SPPL2A: variants seen among roughly 807,000 people sequenced by gnomAD.
The protein encoded by SPPL2A is signal peptide peptidase like 2A.
SPPL2A carries 51 observed loss-of-function variants against 63.8 expected under a neutral mutation model. That is an observed-to-expected ratio of 0.80 (90% CI 0.64 to 1.01). The LOEUF (loss-of-function observed/expected upper bound fraction) is 1.01. Among genes scored for constraint, SPPL2A ranks in the 50% least tolerant of loss-of-function variants. The pLI, the probability that SPPL2A is intolerant of heterozygous loss-of-function variation, is 0.00. For missense variants in SPPL2A, 553 were observed against 622.7 expected, an observed-to-expected ratio of 0.89 and a Z score of 1.19; for synonymous variants, 188 against 205.8, an observed-to-expected ratio of 0.91 and a Z score of 0.74.
chr15:50,744,287 T>A (rs913471763), intron 5 of SPPL2A, among the ~76,000 whole-genome samples: 1 of 152,078 alleles, frequency 6.6e-6, no homozygotes, highest in African/African-American at 2.4e-5. Flanking sequence ...ATACAAAAAA[T>A]GTTTAAAGCT....
intron 14 of SPPL2A, among the ~76,000 whole-genome samples, chr15:50,713,289 T>G (rs2141019306): frequency 6.7e-6 from 1 of 148,760 alleles, no homozygotes; most frequent in Non-Finnish European, 1.5e-5. Flanking sequence ...TTTTTTGAGA[T>G]AGAGTCTTGC....
At chr15:50,749,262 T>C (rs965388546) in intron 2 of SPPL2A, among the ~76,000 whole-genome samples, 1 of 152,050 alleles carries the variant, frequency 6.6e-6, no homozygotes, top group Non-Finnish European at 1.5e-5. Context: ...GGGTTACAGG[T>C]ATCAGCCATT....
At chr15:50,727,658 T>C (rs2062696508) in intron 10 of SPPL2A, among the ~76,000 whole-genome samples, 1 of 152,230 alleles carries the variant, frequency 6.6e-6, no homozygotes, top group South Asian at 2.1e-4. Context: ...TGTACTCTTA[T>C]GGTGACCTGC....
chr15:50,718,002 T>G lies in SPPL2A; in HGVS notation c.1488+1938A>C, dbSNP rs189485802. 3.6e-3 allele frequency among the ~76,000 whole-genome samples: 534 copies of G among 147,394 alleles called. 4 individuals carry two copies. The highest frequency in any genetic ancestry group is 0.013 in the African/African-American group (509 of 39,588). The stretch of plus-strand genomic sequence containing the variant: ...TTTTTTTTTTTTTGAGACGGAGTCT[T>G]GCTCTGTCCCCCAGGCTGGAGTGCA... On this transcript the variant is annotated intron_variant, in intron 14 of 14. Transcript: ENST00000261854.
chr15:50,738,502 C>A lies in SPPL2A; in HGVS notation c.733+1178G>T, dbSNP rs1026516788. ...AGGTGGAGGTTGCAGTGAGCCAAGACTGCGCCACTGCACTCCAGCCTGGGC... is the reference window on the plus strand; with the variant it reads ...AGGTGGAGGTTGCAGTGAGCCAAGAATGCGCCACTGCACTCCAGCCTGGGC... On this transcript the variant is annotated intron_variant, in intron 6 of 14. Coordinates refer to ENST00000261854, the MANE Select transcript of SPPL2A (RefSeq NM_032802.4). 2.1e-5 allele frequency among the ~76,000 whole-genome samples: 3 copies of A among 145,492 alleles called. No individual in the cohort carries two copies. In the Admixed American group the frequency reaches 2.1e-4, roughly 10 times the overall value.
At chr15:50,729,173 G>A (rs955187280) in intron 10 of SPPL2A, among the ~76,000 whole-genome samples, 1 of 151,464 alleles carries the variant, frequency 6.6e-6, no homozygotes, top group Non-Finnish European at 1.5e-5. Flanking sequence ...GGCTGGTCTC[G>A]AACTCCTGAC....
At chr15:50,733,409 T>C (rs2062745374) in intron 8 of SPPL2A, among the ~76,000 whole-genome samples, 2 of 152,146 alleles carry the variant, frequency 1.3e-5, no homozygotes, top group Admixed American at 6.5e-5. Flanking sequence ...TGAACAGATA[T>C]CTGTATATTT....
At chr15:50,765,420 G>T in intron 1 of SPPL2A, 48 bp downstream of exon 1, 1 of 1,438,896 alleles carries the variant, frequency 6.9e-7, no homozygotes, top group African/African-American at 1.5e-5. Flanking sequence ...CCTTGGCCCC[G>T]GCCCCGCCCA....
chr15:50,716,931 A>G (rs113198070), intron 14 of SPPL2A, among the ~76,000 whole-genome samples: 56 of 152,162 alleles, frequency 3.7e-4, no homozygotes, highest in Admixed American at 3.9e-4. Flanking sequence ...TGGTGATCCA[A>G]TAGGTACTTC....
intron 6 of SPPL2A, among the ~76,000 whole-genome samples, chr15:50,739,243 A>G (rs1315670887): frequency 6.7e-6 from 1 of 148,608 alleles, no homozygotes; most frequent in Admixed American, 6.8e-5. Context: ...CAATGGCGCA[A>G]TGTCGGCTCA....
rs560794549 is a variant in SPPL2A, at chr15:50,709,383, C to G, written c.1489-1509G>C. Among the ~76,000 whole-genome samples the G allele has an allele frequency of 8.4e-4, 128 of 152,140 alleles. 1 individual carries two copies. Among genetic ancestry groups the G allele is most frequent in the African/African-American group, 2.9e-3 (122 of 41,526 alleles). On this transcript the variant is annotated intron_variant, in intron 14 of 14. Transcript: ENST00000261854. ...GCTTTAGTGTTTTTTGGAAGAAGAA[C>G]AAGAGGGTGGAATCATCTTGAAACA...
At chr15:50,748,663 A>G (rs989627631) in intron 3 of SPPL2A, 25 bp downstream of exon 3, 3 of 1,465,452 alleles carry the variant, frequency 2.0e-6, no homozygotes, top group Non-Finnish European at 1.8e-6. Context: ...ACTCAAAATA[A>G]GATATGATTG....
chr15:50,703,323 T>C lies in SPPL2A; in HGVS notation c.*4477A>G, dbSNP rs1353738320. 1.9e-5 allele frequency: 2 copies of C among 107,450 alleles called. No homozygotes were observed. Among genetic ancestry groups the C allele is most frequent in the Non-Finnish European group, 3.9e-5 (2 of 51,920 alleles). The allele number at this position is 107,450 out of a possible 1,614,324, so 6.7% of individuals were successfully genotyped here. On this transcript the variant is annotated 3_prime_UTR_variant, in exon 15 of 15. Coordinates refer to ENST00000261854, the MANE Select transcript of SPPL2A (RefSeq NM_032802.4). ...AAGCCTAAATAAATTAGTTCATATA[T>C]ACATATATATATATATATATATACA...
chr15:50,728,757 C>G (rs193013619), intron 10 of SPPL2A, among the ~76,000 whole-genome samples: 143 of 152,206 alleles, frequency 9.4e-4, no homozygotes, highest in African/African-American at 3.3e-3. Context: ...ATCTTCCCAC[C>G]TCAGTCTCCC....
At chr15:50,723,017 C>G (rs2062659656) in intron 12 of SPPL2A, among the ~76,000 whole-genome samples, 1 of 152,122 alleles carries the variant, frequency 6.6e-6, no homozygotes. Context: ...GTAGCTAATT[C>G]TCAATAGAAG....
chr15:50,749,727 A>T lies in SPPL2A; in HGVS notation c.86T>A (p.Ile29Asn). The change falls in exon 2 of 15, where the codon ATC (isoleucine) becomes AAC (asparagine). Residue 29 changes from isoleucine (I) to asparagine (N), a missense_variant. By Grantham distance (149) the Ile-to-Asn change is moderately radical (BLOSUM62 -3). Transcript: ENST00000261854. ...LLQLTAAQEA[I>N]LHASGNGTTK... Reference sequence around the variant, plus strand: ...TGTGCCATTTCCAGACGCATGCAAGATTGCTTCCTGAGCGGCTGTCTAGGA... The same window carrying T: ...TGTGCCATTTCCAGACGCATGCAAGTTTGCTTCCTGAGCGGCTGTCTAGGA... The T allele has an allele frequency of 6.2e-7, 1 of 1,612,996 alleles. No individual in the cohort carries two copies. Among genetic ancestry groups the T allele is most frequent in the Non-Finnish European group, 8.5e-7 (1 of 1,178,902 alleles).
At chr15:50,744,862 A>G (rs943507891) in intron 5 of SPPL2A, among the ~76,000 whole-genome samples, 1 of 152,204 alleles carries the variant, frequency 6.6e-6, no homozygotes, top group Non-Finnish European at 1.5e-5. Context: ...CTATGGGGGC[A>G]GTAGGGTTAG....
chr15:50,755,611 G>A (rs2062950653), intron 1 of SPPL2A, among the ~76,000 whole-genome samples: 1 of 107,286 alleles, frequency 9.3e-6, no homozygotes, highest in Non-Finnish European at 1.7e-5. Context: ...CTAGGTGACA[G>A]AAGGACACCC....
At chr15:50,717,332 G>A (rs1387004762) in intron 14 of SPPL2A, among the ~76,000 whole-genome samples, 3 of 151,856 alleles carry the variant, frequency 2.0e-5, no homozygotes, top group African/African-American at 7.3e-5. Context: ...GTGCCACCAC[G>A]CCCAGCAAAT....
Sources: gnomAD v4.1 joint callset for allele counts (sites outside exome capture counted in the v4.1 genomes callset) on GRCh38, gnomAD v4.1.1 for gene constraint, MANE v1.5 for transcripts, NCBI Gene and HGNC (gene_info 2026-07-23, HGNC 2026-07-21) for gene names.